The following DENND3 variants were observed in gnomAD, a reference collection of about 807,000 sequenced individuals.
DENND3 encodes DENN domain-containing protein 3.
Under a neutral mutation model 135.1 loss-of-function variants are expected in DENND3, and 88 were observed. The ratio of observed to expected loss-of-function variants is 0.65; its 90% CI spans 0.55 to 0.78. The LOEUF (loss-of-function observed/expected upper bound fraction) is 0.78. DENND3 is among the 30% of genes least tolerant of loss of function. The pLI is 0.00. For missense variants in DENND3, 1,392 were observed against 1,688.4 expected (o/e 0.82, Z 3.08); for synonymous variants, 693 against 712.3 (o/e 0.97, Z 0.43).
At chr8:141,190,133 TA>T in intron 19 of DENND3, 150 bp from the exon 20 acceptor site, 1 of 1,053,540 alleles carries the variant, frequency 9.5e-7, no homozygotes, top group Non-Finnish European at 1.3e-6. Flanking sequence ...GTTTGCAGGT[TA>T]TTATGTTTGC....
At chr8:141,190,611 T>G in intron 20 of DENND3, 194 bp downstream of exon 20, 1 of 770,182 alleles carries the variant, frequency 1.3e-6, no homozygotes, top group African/African-American at 1.8e-5. Context: ...TCCCCAGGCC[T>G]CCCTCTGCCT....
intron 19 of DENND3, among the ~76,000 whole-genome samples, chr8:141,189,951 C>T (rs78658720): frequency 0.066 from 10,085 of 152,242 alleles, 1,131 homozygotes; most frequent in African/African-American, 0.23. Flanking sequence ...AGTTCATGGT[C>T]ATGTCATGGC....
At position 141,167,970 on chromosome 8, in the gene DENND3, G is replaced by A. The variant is rs780901085; in HGVS notation, c.1754-34G>A. 3.2e-6 allele frequency: 5 copies of A among 1,584,720 alleles called. No individual in the cohort carries two copies. The highest frequency in any genetic ancestry group is 1.7e-5 in the Admixed American group (1 of 58,810). On this transcript the variant is annotated intron_variant, in intron 12 of 22. Transcript: ENST00000519811. This position sits in a 1 kb window ranked among gnomAD's most constrained non-coding sequence, Gnocchi z 4.1. ...ACACGTGTTCATTTGGAAGGTCTGT[G>A]CTAATGGTCTCCTTTTCCCCCTGAA...
At chr8:141,189,322 G>A (rs1301658152) in intron 19 of DENND3, among the ~76,000 whole-genome samples, 176 bp downstream of exon 19, 1 of 152,270 alleles carries the variant, frequency 6.6e-6, no homozygotes, top group Non-Finnish European at 1.5e-5. Context: ...GCTCACGGGT[G>A]CGGAGAACCC....
intron 22 of DENND3, 70 bp from the exon 23 acceptor site, chr8:141,193,963 C>G: frequency 6.5e-7 from 1 of 1,527,890 alleles, no homozygotes. Context: ...TTCTGGGTAG[C>G]CGGGCAAAGC....
intron 1 of DENND3, among the ~76,000 whole-genome samples, chr8:141,129,201 C>A (rs1288162565): frequency 1.3e-5 from 2 of 152,238 alleles, no homozygotes; most frequent in Non-Finnish European, 2.9e-5. Flanking sequence ...AGACAACGGG[C>A]GGAAGCCGCC....
chr8:141,183,001 G>A (rs920643043), intron 17 of DENND3, among the ~76,000 whole-genome samples: 4 of 152,214 alleles, frequency 2.6e-5, no homozygotes, highest in East Asian at 3.9e-4. Flanking sequence ...GCGGGGGGTC[G>A]CTTGAATATC....
chr8:141,168,033 A>G lies in DENND3; in HGVS notation c.1783A>G (p.Thr595Ala), dbSNP rs1569556147. Reference sequence around the variant, plus strand: ...GAATGTCACGCCGAAGTCCCCGTATACATTCAAGATTCCCGAAATCCACTT... The same window carrying G: ...GAATGTCACGCCGAAGTCCCCGTATGCATTCAAGATTCCCGAAATCCACTT... ...VLNVTPKSPY[T>A]FKIPEIHFPL... The change falls in exon 13 of 23, where the codon ACA (threonine) becomes GCA (alanine). Residue 595 changes from threonine to alanine, a missense_variant. Thr to Ala is a moderately conservative substitution (Grantham distance 58). Coordinates refer to ENST00000519811, the MANE Select transcript of DENND3 (RefSeq NM_001352890.3). The surrounding 1 kb of genome is among the most constrained non-coding windows in gnomAD (Gnocchi z 6.2). 1.9e-6 allele frequency: 3 copies of G among 1,613,364 alleles called. No individual in the cohort carries two copies. Among genetic ancestry groups the G allele is most frequent in the East Asian group, 4.5e-5 (2 of 44,864 alleles).
At chr8:141,162,227 T>C (rs1018869606) in intron 9 of DENND3, among the ~76,000 whole-genome samples, 1 of 152,144 alleles carries the variant, frequency 6.6e-6, no homozygotes, top group African/African-American at 2.4e-5. Context: ...ATTAGTGGGG[T>C]CCTAAATATG....
chr8:141,137,959 C>A lies in DENND3; in HGVS notation c.386-63C>A. 1 of 1,519,768 alleles carries A rather than the reference C, an allele frequency of 6.6e-7. No homozygotes were observed. The allele number at this position is 1,519,768 out of a possible 1,614,324, so 94.1% of individuals were successfully genotyped here. On this transcript the variant is annotated intron_variant, in intron 2 of 22. Coordinates refer to ENST00000519811, the MANE Select transcript of DENND3 (RefSeq NM_001352890.3). The surrounding 1 kb of genome is among the most constrained non-coding windows in gnomAD (Gnocchi z 4.1). The stretch of plus-strand genomic sequence containing the variant: ...GTCCTAAACACTGTGAAGAAATCAG[C>A]TCGTGGGTAACCCAGGCCACTTGGC...
rs1819202656 is a variant in DENND3 at position 141,154,535 on chromosome 8, C to T, written c.1075-1314C>T. ...TGTTCCAGGGTAGGAGAAACCTTGTCAACAACATGTATTGGAATCTTTTTT... is the reference window on the plus strand; with the variant it reads ...TGTTCCAGGGTAGGAGAAACCTTGTTAACAACATGTATTGGAATCTTTTTT... On this transcript the variant is annotated intron_variant, in intron 7 of 22. Coordinates refer to ENST00000519811, the MANE Select transcript of DENND3 (RefSeq NM_001352890.3). The surrounding 1 kb of genome is among the most constrained non-coding windows in gnomAD (Gnocchi z 4.4). Among the ~76,000 whole-genome samples, 1 of 151,670 alleles carries T rather than the reference C, an allele frequency of 6.6e-6. No homozygotes were observed. The highest frequency in any genetic ancestry group is 2.4e-5 in the African/African-American group (1 of 41,318).
chr8:141,168,016 C>T lies in DENND3; in HGVS notation c.1766C>T (p.Thr589Met), dbSNP rs561392014. 2.9e-5 allele frequency: 47 copies of T among 1,608,268 alleles called. No individual in the cohort carries two copies. Among genetic ancestry groups the T allele is most frequent in the African/African-American group, 5.3e-5 (4 of 74,828 alleles). ...CRGSSAVLNV[T>M]PKSPYTFKIP... Reference sequence around the variant, plus strand: ...CTGAATGTTTTAGTTCTGAATGTCACGCCGAAGTCCCCGTATACATTCAAG... The same window carrying T: ...CTGAATGTTTTAGTTCTGAATGTCATGCCGAAGTCCCCGTATACATTCAAG... Residue 589 changes from threonine (T) to methionine (M), a missense_variant, in exon 13 of 23, where the codon ACG becomes ATG. Thr to Met is a moderately conservative substitution (Grantham distance 81, BLOSUM62 -1). Transcript: ENST00000519811. This position sits in a 1 kb window ranked among gnomAD's most constrained non-coding sequence, Gnocchi z 6.2.
At chr8:141,186,397 T>C (rs977111747) in intron 18 of DENND3, among the ~76,000 whole-genome samples, 1 of 152,214 alleles carries the variant, frequency 6.6e-6, no homozygotes, top group Non-Finnish European at 1.5e-5. Context: ...CGTCACACAT[T>C]ATTCCTCTCA....
intron 13 of DENND3, among the ~76,000 whole-genome samples, chr8:141,170,542 C>T (rs1253839496): frequency 1.3e-5 from 2 of 152,200 alleles, no homozygotes; most frequent in Non-Finnish European, 2.9e-5. Flanking sequence ...GCCATCAGAT[C>T]GTGGCCTCAC....
In DENND3 at chr8:141,141,217, C is replaced by T; in HGVS notation, c.516C>T (p.Phe172=). The T allele has an allele frequency of 1.2e-6, 2 of 1,614,216 alleles. No individual in the cohort carries two copies. Among genetic ancestry groups the T allele is most frequent in the Non-Finnish European group, 1.7e-6 (2 of 1,180,032 alleles). The stretch of plus-strand genomic sequence containing the variant: ...TTTTCATGTAGGATGAGTACTGTTT[C>T]TACAATGGCAAAACGCACCGGGAGT... ...YYRPLHDEYC[F]YNGKTHRECP... Residue 172 remains phenylalanine (F), a synonymous_variant, in exon 4 of 23, where the codon TTC becomes TTT. Transcript: ENST00000519811. The surrounding 1 kb of genome is among the most constrained non-coding windows in gnomAD (Gnocchi z 5.3).
chr8:141,134,986 G>A (rs1816613250), intron 1 of DENND3, among the ~76,000 whole-genome samples: 1 of 151,922 alleles, frequency 6.6e-6, no homozygotes, highest in African/African-American at 2.4e-5. Context: ...CTGCAGGCAT[G>A]CGCCACCAAG....
intron 4 of DENND3, chr8:141,142,548 C>T: frequency 2.8e-6 from 1 of 358,750 alleles, no homozygotes; most frequent in Non-Finnish European, 5.5e-6. Flanking sequence ...GGCTTTTGGA[C>T]ATAGTTTGGG....
At chr8:141,170,884 G>A (rs1326349958) in intron 13 of DENND3, among the ~76,000 whole-genome samples, 1 of 152,246 alleles carries the variant, frequency 6.6e-6, no homozygotes, top group Non-Finnish European at 1.5e-5. Flanking sequence ...CAGCCCGTGG[G>A]CATCAGCACC....
intron 4 of DENND3, chr8:141,142,074 T>TGCTGATGGTGAGTAGAAAG: frequency 3.4e-6 from 1 of 295,952 alleles, no homozygotes; most frequent in South Asian, 2.6e-5. Context: ...ACTGTCTCCC[T>TGCTGATGGTGAGTAGAAAG]GCTGATGGTG....
Sources: gnomAD v4.1 joint callset for allele counts (sites outside exome capture counted in the v4.1 genomes callset) on GRCh38, gnomAD v4.1.1 for gene constraint, Gnocchi (gnomAD v3.1) non-coding constraint, MANE v1.5 for transcripts, NCBI Gene and HGNC (gene_info 2026-07-23, HGNC 2026-07-21) for gene names.